RADIL: variants seen among roughly 807,000 people sequenced by gnomAD.
RADIL encodes Rap associating with DIL domain.
A neutral mutation model predicts 97.6 loss-of-function variants in RADIL; 99 were observed. The ratio of observed to expected loss-of-function variants is 1.01; its 90% CI spans 0.86 to 1.20. RADIL has a LOEUF of 1.20. Ranked by LOEUF, RADIL falls within the 50% of genes most tolerant of loss-of-function variation. RADIL has a pLI of 0.00. For missense variants in RADIL, 1,765 were observed against 1,498.9 expected, an observed-to-expected ratio of 1.18 and a Z score of -2.93; for synonymous variants, 803 against 691.8, an observed-to-expected ratio of 1.16 and a Z score of -2.52.
chr7:4,861,788 G>C lies in RADIL; in HGVS notation c.535+15817C>G. On this transcript the variant is annotated intron_variant, in intron 2 of 14. Transcript: ENST00000399583. ...CGGCGCCGGCTGCGGTGGTCCCTGGGTTGTCACCGGAAACGGCATCATCTT... is the reference window on the plus strand; with the variant it reads ...CGGCGCCGGCTGCGGTGGTCCCTGGCTTGTCACCGGAAACGGCATCATCTT... The C allele has an allele frequency of 1.4e-6, 2 of 1,463,864 alleles. No homozygotes were observed. The highest frequency in any genetic ancestry group is 1.8e-6 in the Non-Finnish European group (2 of 1,111,292). 90.7% of individuals were successfully genotyped at this position (1,463,864 alleles called of 1,614,324 possible).
rs1390799086 is a variant in RADIL at position 4,824,368 on chromosome 7, G to T, written c.1455-1814C>A. On this transcript the variant is annotated intron_variant, in intron 5 of 14. Transcript: ENST00000399583. This position sits in a 1 kb window ranked among gnomAD's most constrained non-coding sequence, Gnocchi z 6.7. ...AGTCCCAGGTGTGTGGACCCGGCCT[G>T]GGGTCCTTTGAAAGGTGCCAAGCCC... Among the ~76,000 whole-genome samples, 1 of 152,226 alleles carries T rather than the reference G, an allele frequency of 6.6e-6. No individual in the cohort carries two copies. The highest frequency in any genetic ancestry group is 1.5e-5 in the Non-Finnish European group (1 of 68,034).
Position 4,799,970 on chromosome 7 carries a change from C to T in RADIL, c.2982+201G>A, listed in dbSNP as rs937922751. On this transcript the variant is annotated intron_variant, in intron 13 of 14. Coordinates refer to ENST00000399583, the MANE Select transcript of RADIL (RefSeq NM_018059.5). ...AGGACAGACCCCAAAGGCTTGAGGA[C>T]AGAGGCAAGAGACAGCAGGCCCAGG... Among the ~76,000 whole-genome samples the T allele has an allele frequency of 3.3e-5, 5 of 152,170 alleles. No homozygotes were observed. In the East Asian group the frequency reaches 7.7e-4, roughly 23 times the overall value.
At position 4,818,084 on chromosome 7, in the gene RADIL, C is replaced by T. The variant is rs1471940251; in HGVS notation, c.1616-733G>A. 1.3e-5 allele frequency among the ~76,000 whole-genome samples: 2 copies of T among 152,224 alleles called. No homozygotes were observed. The highest frequency in any genetic ancestry group is 4.8e-5 in the African/African-American group (2 of 41,458). On this transcript the variant is annotated intron_variant, in intron 6 of 14. Transcript: ENST00000399583. The surrounding 1 kb of genome is among the most constrained non-coding windows in gnomAD (Gnocchi z 7.1). Reference sequence around the variant, plus strand: ...CTTCATTCTCTCCTGGGACTGTGGGCGGCCAACCACAGTGGTGTTCCCTGT... The same window carrying T: ...CTTCATTCTCTCCTGGGACTGTGGGTGGCCAACCACAGTGGTGTTCCCTGT...
Position 4,819,234 on chromosome 7 carries a change from G to A in RADIL, c.1616-1883C>T, listed in dbSNP as rs1782763912. Among the ~76,000 whole-genome samples the A allele has an allele frequency of 1.3e-5, 2 of 152,030 alleles. No homozygotes were observed. Among genetic ancestry groups the A allele is most frequent in the South Asian group, 2.1e-4 (1 of 4,822 alleles). Reference sequence around the variant, plus strand: ...CTACAGGCACATGCCACCATGCCTGGCTAATTTTTGTATTTTTAGTAGAGA... The same window carrying A: ...CTACAGGCACATGCCACCATGCCTGACTAATTTTTGTATTTTTAGTAGAGA... On this transcript the variant is annotated intron_variant, in intron 6 of 14. Transcript: ENST00000399583. This position sits in a 1 kb window ranked among gnomAD's most constrained non-coding sequence, Gnocchi z 5.8.
chr7:4,809,194 G>A, intron 9 of RADIL: 1 of 985,280 alleles, frequency 1.0e-6, no homozygotes, highest in Non-Finnish European at 1.2e-6. Flanking sequence ...GCCTCCCCGG[G>A]CTGTCACTGC....
At chr7:4,801,171 C>T (rs1782071476) in intron 12 of RADIL, among the ~76,000 whole-genome samples, 1 of 152,196 alleles carries the variant, frequency 6.6e-6, no homozygotes, top group Non-Finnish European at 1.5e-5. Context: ...CATGCAGACA[C>T]ACCCATGCAG....
At position 4,835,352 on chromosome 7, in the gene RADIL, G is replaced by C; in HGVS notation, c.784-113C>G. On this transcript the variant is annotated intron_variant, in intron 3 of 14. Transcript: ENST00000399583. This position sits in a 1 kb window ranked among gnomAD's most constrained non-coding sequence, Gnocchi z 5.8. ...GCGTGGCTGGGATGCTGTCGCCACG[G>C]GCTCTCCATGTCCCTGGCCACCCCC... 2 of 1,359,094 alleles carry C rather than the reference G, an allele frequency of 1.5e-6. No individual in the cohort carries two copies. The highest frequency in any genetic ancestry group is 2.0e-6 in the Non-Finnish European group (2 of 1,001,512). The allele number at this position is 1,359,094 out of a possible 1,614,324, so 84.2% of individuals were successfully genotyped here.
rs1427539971 is a variant in RADIL at position 4,814,909 on chromosome 7, T to C, written c.2139+369A>G. 1.3e-5 allele frequency among the ~76,000 whole-genome samples: 2 copies of C among 152,112 alleles called. No individual in the cohort carries two copies. The highest frequency in any genetic ancestry group is 1.9e-4 in the East Asian group (1 of 5,184). ...CCTCCAGCCTCAGAGCCACATCCCC[T>C]CTTCTTCTGTTTCTCTCTGACCTTC... On this transcript the variant is annotated intron_variant, in intron 9 of 14. Transcript: ENST00000399583. This position sits in a 1 kb window ranked among gnomAD's most constrained non-coding sequence, Gnocchi z 4.5.
At chr7:4,825,785 AG>A (rs1782957067) in intron 5 of RADIL, among the ~76,000 whole-genome samples, 1 of 150,456 alleles carries the variant, frequency 6.6e-6, no homozygotes, top group African/African-American at 2.4e-5. Context: ...CTGAGGCAAA[AG>A]AATTTCTTGA....
chr7:4,859,248 A>G (rs2115030409), intron 2 of RADIL: 1 of 152,830 alleles, frequency 6.5e-6, no homozygotes, highest in East Asian at 1.9e-4. Context: ...AAATTCACCA[A>G]TTTGAAAAAT....
rs780457438 is a variant in RADIL at position 4,877,677 on chromosome 7, G to A, written c.463C>T (p.Arg155Trp). The A allele has an allele frequency of 1.9e-5, 31 of 1,613,998 alleles. No individual in the cohort carries two copies. The highest frequency in any genetic ancestry group is 2.3e-5 in the Non-Finnish European group (27 of 1,180,014). Residue 155 changes from arginine to tryptophan, a missense_variant, in exon 2 of 15, where the codon CGG becomes TGG. By Grantham distance (101) the Arg-to-Trp change is moderately radical. Transcript: ENST00000399583. ...ELWKPREGLS[R>W]RFELRKRSDV... Reference sequence around the variant, plus strand: ...GACCTCTTCCTCAGCTCAAACCTCCGGGATAAACCTTCTCGGGGTTTCCAT... The same window carrying A: ...GACCTCTTCCTCAGCTCAAACCTCCAGGATAAACCTTCTCGGGGTTTCCAT...
chr7:4,841,659 G>A (rs1340928442), intron 2 of RADIL, among the ~76,000 whole-genome samples: 1 of 152,216 alleles, frequency 6.6e-6, no homozygotes, highest in African/African-American at 2.4e-5. Flanking sequence ...CTGGGACCTT[G>A]GTGGGCAGCC....
intron 13 of RADIL, 32 bp from the exon 14 acceptor site, chr7:4,799,801 A>C: frequency 6.8e-7 from 1 of 1,474,606 alleles, no homozygotes; most frequent in African/African-American, 1.4e-5. Flanking sequence ...AGAGCTCCGC[A>C]GGCCCGACTG....
chr7:4,843,802 C>T (rs1783502836), intron 2 of RADIL, among the ~76,000 whole-genome samples: 1 of 151,454 alleles, frequency 6.6e-6, no homozygotes, highest in Non-Finnish European at 1.5e-5. Flanking sequence ...ATCCCAGCTA[C>T]TCGGGAGGCT....
Position 4,836,403 on chromosome 7 carries a change from G to C in RADIL, c.738C>G (p.Tyr246Ter). The C allele has an allele frequency of 6.3e-7, 1 of 1,578,772 alleles. No individual in the cohort carries two copies. Among genetic ancestry groups the C allele is most frequent in the Non-Finnish European group, 8.6e-7 (1 of 1,162,418 alleles). Reference sequence around the variant, plus strand: ...GCAGAAGGAGCAGATGCGGGGACTGGTACAGCGAGTACCGCATGGCGTCGG... The same window carrying C: ...GCAGAAGGAGCAGATGCGGGGACTGCTACAGCGAGTACCGCATGGCGTCGG... ...PGPDAMRYSLYQSPHLLLLQG... is the reference protein window; with the variant it reads ...PGPDAMRYSL The change falls in exon 3 of 15, where the codon TAC (tyrosine) becomes TAG (stop). Residue 246 changes from tyrosine (Y) to a stop codon, truncating the protein, a stop_gained. Transcript: ENST00000399583. LOFTEE classifies it high-confidence loss of function.
rs781613159 is a variant in RADIL, at chr7:4,815,476, T to A, written c.1967-26A>T. The A allele has an allele frequency of 6.8e-7, 1 of 1,473,592 alleles. No homozygotes were observed. Among genetic ancestry groups the A allele is most frequent in the South Asian group, 1.4e-5 (1 of 71,226 alleles). The allele number at this position is 1,473,592 out of a possible 1,614,324, so 91.3% of individuals were successfully genotyped here. On this transcript the variant is annotated intron_variant, in intron 8 of 14. Coordinates refer to ENST00000399583, the MANE Select transcript of RADIL (RefSeq NM_018059.5). This position sits in a 1 kb window ranked among gnomAD's most constrained non-coding sequence, Gnocchi z 8.0. ...CTGTGGAGGGAAGAAGGGAGGGTGA[T>A]GCCTGGGCTGCCCTCCTGGGGGGAC...
intron 2 of RADIL, among the ~76,000 whole-genome samples, chr7:4,852,342 C>T (rs1475248207): frequency 1.3e-5 from 2 of 152,188 alleles, no homozygotes; most frequent in African/African-American, 2.4e-5. Flanking sequence ...CTACCCCAGG[C>T]CTTGGAACGG....
At position 4,803,529 on chromosome 7, in the gene RADIL, G is replaced by T. The variant is rs892180739; in HGVS notation, c.2499+17C>A. The T allele has an allele frequency of 6.1e-5, 93 of 1,527,190 alleles. No individual in the cohort carries two copies. The highest frequency in any genetic ancestry group is 8.0e-5 in the Non-Finnish European group (91 of 1,132,200). 94.6% of individuals were successfully genotyped at this position (1,527,190 alleles called of 1,614,324 possible). A position where few individuals can be genotyped will look rare whatever the true frequency, so the allele number is the denominator to read the frequency against. On this transcript the variant is annotated intron_variant, in intron 11 of 14. Transcript: ENST00000399583. ...CACCTCGGGGCACGCTGGCTGGGGG[G>T]CCCCCTCCCCGGGTACCTCGGGGCA...
intron 2 of RADIL, among the ~76,000 whole-genome samples, chr7:4,839,445 G>A (rs900960880): frequency 7.9e-5 from 12 of 152,080 alleles, no homozygotes; most frequent in African/African-American, 2.7e-4. Flanking sequence ...TTTTATAAAA[G>A]AGCAATGCAC....
Sources: allele counts gnomAD v4.1 joint callset (sites outside exome capture counted in the v4.1 genomes callset), GRCh38; gene constraint gnomAD v4.1.1; non-coding constraint Gnocchi (gnomAD v3.1); transcripts MANE v1.5; gene names NCBI Gene and HGNC (gene_info 2026-07-23, HGNC 2026-07-21).